APBB2: variants seen among roughly 807,000 people sequenced by gnomAD.
The protein encoded by APBB2 is Fe65-like 1.
In APBB2, 38 loss-of-function variants were observed where a neutral mutation model predicts 82.5. That is an observed-to-expected ratio of 0.46 (90% CI 0.36 to 0.60). The LOEUF is 0.60. Among genes scored for constraint, APBB2 ranks in the 20% least tolerant of loss-of-function variants. APBB2 has a pLI of 0.00. For synonymous variants in APBB2, 341 were observed against 368.2 expected, an observed-to-expected ratio of 0.93 and a Z score of 0.85; for missense variants, 772 against 972.3, an observed-to-expected ratio of 0.79 and a Z score of 2.74.
chr4:40,884,800 T>A (rs990532985), intron 12 of APBB2, among the ~76,000 whole-genome samples: 5 of 151,812 alleles, frequency 3.3e-5, no homozygotes, highest in Non-Finnish European at 7.4e-5. Context: ...TGGGCCAGGG[T>A]CTTGGTGGAT....
intron 1 of APBB2, among the ~76,000 whole-genome samples, chr4:41,190,884 G>T (rs1774236486): frequency 6.6e-6 from 1 of 152,188 alleles, no homozygotes; most frequent in Non-Finnish European, 1.5e-5. Context: ...AAGGAGCTTT[G>T]AAGAAATGGA....
At chr4:41,173,213 C>A (rs978925040) in intron 1 of APBB2, among the ~76,000 whole-genome samples, 4 of 152,188 alleles carry the variant, frequency 2.6e-5, no homozygotes, top group African/African-American at 9.7e-5. Flanking sequence ...AGCTAAATCG[C>A]AGCTATCCTA....
intron 3 of APBB2, among the ~76,000 whole-genome samples, chr4:41,083,639 G>C (rs1738509485): frequency 8.0e-6 from 1 of 124,682 alleles, no homozygotes; most frequent in Non-Finnish European, 1.6e-5. Context: ...AGTGAGCTGA[G>C]ATCACGCCAC....
At chr4:41,097,976 T>C (rs946871401) in intron 3 of APBB2, among the ~76,000 whole-genome samples, 1 of 152,024 alleles carries the variant, frequency 6.6e-6, no homozygotes, top group Admixed American at 6.6e-5. Context: ...AACATTTTCT[T>C]ATGACTTTAA....
intron 6 of APBB2, among the ~76,000 whole-genome samples, chr4:40,982,265 AGAAAGAAAGAAAGAAAGAAGGAAG>A (rs1798814184): frequency 3.5e-5 from 1 of 28,684 alleles, no homozygotes; most frequent in Non-Finnish European, 6.9e-5. Flanking sequence ...AAAGAAAGAA[AGAAAGAAAGAAAGAAAGAAGGAAG>A]GAAGGAAGGA....
chr4:41,014,542 T>C, intron 5 of APBB2, 144 bp from the exon 6 acceptor site: 1 of 805,856 alleles, frequency 1.2e-6, no homozygotes, highest in Non-Finnish European at 2.0e-6. Flanking sequence ...ATTTTCCTCT[T>C]TATTTCACCA....
At chr4:41,030,996 G>A (rs562468822) in intron 5 of APBB2, among the ~76,000 whole-genome samples, 3 of 152,128 alleles carry the variant, frequency 2.0e-5, no homozygotes, top group Non-Finnish European at 4.4e-5. Context: ...AGGCCGAGGC[G>A]GGCAGATCAC....
intron 10 of APBB2, among the ~76,000 whole-genome samples, chr4:40,897,954 C>T (rs1173865075): frequency 6.6e-6 from 1 of 152,022 alleles, no homozygotes; most frequent in Non-Finnish European, 1.5e-5. Flanking sequence ...AAAAAAAAAT[C>T]AACATATACA....
intron 6 of APBB2, among the ~76,000 whole-genome samples, chr4:40,957,727 G>A (rs1232491620): frequency 1.3e-5 from 2 of 152,038 alleles, no homozygotes; most frequent in African/African-American, 2.4e-5. Flanking sequence ...GGGATTGCAG[G>A]CGCCTACCAC....
At chr4:40,993,507 C>G (rs150577873) in intron 6 of APBB2, among the ~76,000 whole-genome samples, 32,494 of 151,536 alleles carry the variant, frequency 0.21, 3,755 homozygotes, top group Non-Finnish European at 0.26. Flanking sequence ...ACCTCAGCTT[C>G]CTGAGTAGCT....
At chr4:40,823,832 A>G (rs751293343) in intron 15 of APBB2, 73 bp from the exon 16 acceptor site, 2 of 897,796 alleles carry the variant, frequency 2.2e-6, no homozygotes, top group Admixed American at 3.5e-5. Context: ...CCAAATCACC[A>G]ATAACAGCTA....
At chr4:40,880,390 G>C in intron 12 of APBB2, 1 of 985,428 alleles carries the variant, frequency 1.0e-6, no homozygotes, top group South Asian at 4.7e-5. Flanking sequence ...GAGTAAAAAG[G>C]TTCCAGGTGA....
At chr4:41,038,761 TCA>T (rs953192790) in intron 4 of APBB2, among the ~76,000 whole-genome samples, 2 of 152,198 alleles carry the variant, frequency 1.3e-5, no homozygotes, top group Non-Finnish European at 2.9e-5. Context: ...AAAGTGATAT[TCA>T]CAGATAATAT....
chr4:40,822,315 T>G (rs962483018), intron 16 of APBB2: 3 of 398,992 alleles, frequency 7.5e-6, no homozygotes, highest in African/African-American at 6.0e-5. Context: ...GCTACGTGGC[T>G]GTGAGTTCAC....
chr4:40,977,960 G>C (rs1273864330), intron 6 of APBB2, among the ~76,000 whole-genome samples: 1 of 152,254 alleles, frequency 6.6e-6, no homozygotes. Flanking sequence ...GCAATCAGAG[G>C]CTTCATGGTA....
In APBB2 at chr4:40,922,138, G is replaced by T. The variant is rs116701112; in HGVS notation, c.1254+12318C>A. 2.4e-3 allele frequency among the ~76,000 whole-genome samples: 358 copies of T among 152,294 alleles called. 4 individuals carry two copies. The highest frequency in any genetic ancestry group is 8.2e-3 in the African/African-American group (342 of 41,540). On this transcript the variant is annotated intron_variant, in intron 10 of 17. Transcript: ENST00000508593. ...TAAGTGAAATTATTTATGTGTTAGG[G>T]CTTAGTGAACTCATCTAACCGAACT...
At chr4:40,977,797 C>T (rs1448867664) in intron 6 of APBB2, among the ~76,000 whole-genome samples, 1 of 152,110 alleles carries the variant, frequency 6.6e-6, no homozygotes, top group African/African-American at 2.4e-5. Flanking sequence ...AAAATGATCA[C>T]CAGAAAGACA....
At chr4:41,105,337 TTAC>T (rs1236930048) in intron 2 of APBB2, among the ~76,000 whole-genome samples, 74 of 152,212 alleles carry the variant, frequency 4.9e-4, no homozygotes, top group African/African-American at 1.7e-3. Context: ...CTCTACCAAA[TTAC>T]TACATGTTTT....
chr4:40,868,807 A>C (rs962929727), intron 12 of APBB2, among the ~76,000 whole-genome samples: 5 of 152,188 alleles, frequency 3.3e-5, no homozygotes, highest in African/African-American at 1.2e-4. Flanking sequence ...TTTAACCACC[A>C]AAGAGCCATT....
Sources: gnomAD v4.1 joint callset for allele counts (sites outside exome capture counted in the v4.1 genomes callset) on GRCh38, gnomAD v4.1.1 for gene constraint, MANE v1.5 for transcripts, NCBI Gene and HGNC (gene_info 2026-07-23, HGNC 2026-07-21) for gene names.